Variants in TMEM117 observed in about 807,000 individuals in gnomAD.
TMEM117 encodes the protein transmembrane protein 117.
A neutral mutation model predicts 52.4 loss-of-function variants in TMEM117; 27 were observed. The observed-to-expected ratio is 0.51, with a 90% CI of 0.38 to 0.71. The LOEUF (loss-of-function observed/expected upper bound fraction) is 0.71, where lower values mean the gene tolerates loss of function less well. Ranked by LOEUF, TMEM117 falls within the 30% of genes least tolerant of loss-of-function variation. The pLI is 0.00. For missense variants in TMEM117, 556 were observed against 630.5 expected (o/e 0.88, Z 1.26); for synonymous variants, 215 against 206.3 (o/e 1.04, Z -0.36).
At chr12:44,293,345 T>C (rs1170669364) in intron 5 of TMEM117, among the ~76,000 whole-genome samples, 3 of 152,210 alleles carry the variant, frequency 2.0e-5, no homozygotes, top group East Asian at 3.9e-4. Flanking sequence ...AGGCAGCTTA[T>C]AATGGGCTCT....
intron 2 of TMEM117, among the ~76,000 whole-genome samples, chr12:43,902,169 C>A (rs539528657): frequency 2.3e-4 from 35 of 152,272 alleles, no homozygotes; most frequent in Admixed American, 7.2e-4. Context: ...ATCTAGGGAA[C>A]CTGGAAGTTG....
the TMEM117 span, among the ~76,000 whole-genome samples, chr12:43,807,554 A>G: frequency 6.6e-6 from 1 of 152,242 alleles, no homozygotes; most frequent in African/African-American, 2.4e-5. Flanking sequence ...CTGAGCAGAG[A>G]GAAAATTGCA....
At chr12:43,930,835 T>C (rs941867636) in intron 2 of TMEM117, among the ~76,000 whole-genome samples, 3 of 152,214 alleles carry the variant, frequency 2.0e-5, no homozygotes, top group African/African-American at 7.2e-5. Flanking sequence ...TTACTACAGC[T>C]TACTTCCTGG....
At chr12:44,221,951 A>C (rs1406103871) in intron 5 of TMEM117, among the ~76,000 whole-genome samples, 1 of 151,968 alleles carries the variant, frequency 6.6e-6, no homozygotes, top group Admixed American at 6.5e-5. Context: ...CGCCCGCCTT[A>C]GCCTCCCAAA....
intron 5 of TMEM117, among the ~76,000 whole-genome samples, chr12:44,215,011 A>G (rs1949697413): frequency 6.6e-6 from 1 of 152,226 alleles, no homozygotes; most frequent in Non-Finnish European, 1.5e-5. Context: ...TAGATTAAAT[A>G]AAAGACAGTA....
chr12:43,892,654 C>T (rs1005576753), intron 2 of TMEM117, among the ~76,000 whole-genome samples: 1 of 152,140 alleles, frequency 6.6e-6, no homozygotes, highest in African/African-American at 2.4e-5. Flanking sequence ...TTCCTTCTTT[C>T]CTTCTGGAAA....
At chr12:43,872,472 A>T (rs575627946) in intron 2 of TMEM117, among the ~76,000 whole-genome samples, 2 of 152,342 alleles carry the variant, frequency 1.3e-5, no homozygotes, top group East Asian at 3.9e-4. Flanking sequence ...TTTCTGTAAG[A>T]TACTTTCTTT....
At chr12:43,812,309 C>T in the TMEM117 span, among the ~76,000 whole-genome samples, 1 of 151,862 alleles carries the variant, frequency 6.6e-6, no homozygotes, top group South Asian at 2.1e-4. Context: ...TCTCTCTGGC[C>T]TTTCATTTCA....
chr12:43,933,265 T>G (rs1414134915), intron 2 of TMEM117, among the ~76,000 whole-genome samples: 1 of 151,914 alleles, frequency 6.6e-6, no homozygotes. Context: ...AGTGGCACGA[T>G]CTCGGCTCAC....
chr12:44,399,055 TA>T, the TMEM117 span, among the ~76,000 whole-genome samples: 1 of 152,204 alleles, frequency 6.6e-6, no homozygotes, highest in Non-Finnish European at 1.5e-5. Context: ...TTGTACTCTA[TA>T]AATACATACA....
intron 4 of TMEM117, among the ~76,000 whole-genome samples, chr12:44,153,186 G>A (rs1198435085): frequency 6.6e-6 from 1 of 151,868 alleles, no homozygotes; most frequent in Non-Finnish European, 1.5e-5. Context: ...CCCTGAAACA[G>A]GTGGAGACAC....
At chr12:44,209,859 G>T (rs1949621498) in intron 4 of TMEM117, among the ~76,000 whole-genome samples, 1 of 152,106 alleles carries the variant, frequency 6.6e-6, no homozygotes. Context: ...TGACATGCCG[G>T]TGAATGTTTC....
intron 5 of TMEM117, among the ~76,000 whole-genome samples, chr12:44,213,369 A>G (rs966587253): frequency 6.6e-6 from 1 of 152,312 alleles, no homozygotes; most frequent in Admixed American, 6.5e-5. Context: ...GGTGCTAAAG[A>G]AGAACATACA....
chr12:44,122,142 T>G (rs559927367), intron 3 of TMEM117, among the ~76,000 whole-genome samples: 12 of 151,984 alleles, frequency 7.9e-5, no homozygotes, highest in Non-Finnish European at 1.3e-4. Flanking sequence ...CCTCCCAGGT[T>G]CAAACAATTC....
intron 2 of TMEM117, among the ~76,000 whole-genome samples, chr12:43,913,804 G>A (rs982647524): frequency 6.6e-6 from 1 of 152,064 alleles, no homozygotes; most frequent in African/African-American, 2.4e-5. Flanking sequence ...TATTCATTTT[G>A]TTCACTTTCA....
chr12:44,236,492 CCTT>C (rs1327547575), intron 5 of TMEM117, among the ~76,000 whole-genome samples: 2 of 152,012 alleles, frequency 1.3e-5, no homozygotes, highest in African/African-American at 2.4e-5. Context: ...AGTTTTATCT[CCTT>C]CTTGAAATTT....
At chr12:44,003,874 G>T (rs183956062) in intron 3 of TMEM117, among the ~76,000 whole-genome samples, 3 of 152,270 alleles carry the variant, frequency 2.0e-5, no homozygotes. Context: ...TGAGTAGTCA[G>T]GATGCATAGG....
chr12:44,017,165 A>T (rs1946384628), intron 3 of TMEM117, among the ~76,000 whole-genome samples: 1 of 151,840 alleles, frequency 6.6e-6, no homozygotes, highest in Admixed American at 6.6e-5. Context: ...CTGCTCATTT[A>T]GCAGGATACA....
intron 6 of TMEM117, among the ~76,000 whole-genome samples, chr12:44,339,494 A>G (rs892535662): frequency 6.6e-5 from 10 of 152,106 alleles, no homozygotes; most frequent in African/African-American, 2.2e-4. Flanking sequence ...ACATGATCCT[A>G]TACTCAGAAA....
Sources: gnomAD v4.1 joint callset for allele counts (sites outside exome capture counted in the v4.1 genomes callset) on GRCh38, gnomAD v4.1.1 for gene constraint, MANE v1.5 for transcripts, NCBI Gene and HGNC (gene_info 2026-07-23, HGNC 2026-07-21) for gene names.